PPIL6: variants seen among roughly 807,000 people sequenced by gnomAD.
The protein encoded by PPIL6 is peptidylprolyl isomerase like 6.
A neutral mutation model predicts 36.8 loss-of-function variants in PPIL6; 39 were observed. The ratio of observed to expected loss-of-function variants is 1.06; its 90% CI spans 0.82 to 1.38. PPIL6 has a LOEUF of 1.38. Among genes scored for constraint, PPIL6 ranks in the 40% most tolerant of loss-of-function variants. The pLI is 0.00. For synonymous variants in PPIL6, 123 were observed against 134.1 expected, an observed-to-expected ratio of 0.92 and a Z score of 0.57; for missense variants, 368 against 379.1, an observed-to-expected ratio of 0.97 and a Z score of 0.24.
intron 3 of PPIL6, among the ~76,000 whole-genome samples, chr6:109,428,553 GAAA>G (rs57264975): frequency 2.7e-5 from 1 of 36,908 alleles, no homozygotes; most frequent in Non-Finnish European, 6.4e-5. Flanking sequence ...ACCCTATGAA[GAAA>G]AAAAAAAAAA....
At chr6:109,431,702 T>C in intron 2 of PPIL6, among the ~76,000 whole-genome samples, 1 of 152,190 alleles carries the variant, frequency 6.6e-6, no homozygotes, top group East Asian at 1.9e-4. Flanking sequence ...GCTAAATAAT[T>C]ACCTCCACTT....
chr6:109,396,071 G>A (rs536071761), intron 7 of PPIL6, among the ~76,000 whole-genome samples: 104 of 152,106 alleles, frequency 6.8e-4, no homozygotes, highest in Non-Finnish European at 1.3e-3. Flanking sequence ...GCTTGACCTC[G>A]TGATCGGCCC....
At chr6:109,434,106 GA>G (rs898211453) in intron 2 of PPIL6, among the ~76,000 whole-genome samples, 27 of 151,046 alleles carry the variant, frequency 1.8e-4, no homozygotes, top group African/African-American at 5.8e-4. Context: ...TGATAAAAAA[GA>G]AAAAAAAAGT....
At chr6:109,394,370 CA>C (rs560635029) in intron 7 of PPIL6, among the ~76,000 whole-genome samples, 1,623 of 50,284 alleles carry the variant, frequency 0.032, 15 homozygotes, top group African/African-American at 0.082. Context: ...AGACTTATCT[CA>C]AAAAAAAAAA....
At chr6:109,404,020 T>A (rs910441385) in intron 6 of PPIL6, among the ~76,000 whole-genome samples, 2 of 152,190 alleles carry the variant, frequency 1.3e-5, no homozygotes, top group African/African-American at 4.8e-5. Flanking sequence ...CATCTCTTCT[T>A]CCCACTTGAT....
intron 3 of PPIL6, among the ~76,000 whole-genome samples, chr6:109,429,442 G>A (rs1345614672): frequency 6.6e-6 from 1 of 151,944 alleles, no homozygotes; most frequent in Non-Finnish European, 1.5e-5. Flanking sequence ...AGGATCTATT[G>A]GATTTTTTTT....
At chr6:109,418,371 T>C (rs1052413965) in intron 6 of PPIL6, 19 of 152,632 alleles carry the variant, frequency 1.2e-4, no homozygotes, top group African/African-American at 4.6e-4. Flanking sequence ...CTAAGTACCC[T>C]ATTCTTGGGA....
chr6:109,409,297 C>G (rs1772918365), intron 6 of PPIL6, among the ~76,000 whole-genome samples: 1 of 152,190 alleles, frequency 6.6e-6, no homozygotes. Context: ...TGCGGTGGCT[C>G]ACGCCTGTAA....
chr6:109,415,430 C>T (rs755451879), intron 6 of PPIL6, among the ~76,000 whole-genome samples: 6 of 152,134 alleles, frequency 3.9e-5, no homozygotes, highest in Non-Finnish European at 7.4e-5. Context: ...CGGAGGCACT[C>T]ATCTCTATCA....
intron 5 of PPIL6, among the ~76,000 whole-genome samples, chr6:109,425,767 A>G (rs1000664085): frequency 2.6e-5 from 4 of 151,768 alleles, no homozygotes; most frequent in African/African-American, 4.8e-5. Flanking sequence ...AAAAAAAAAA[A>G]AAGAACACAG....
chr6:109,407,271 G>C (rs1032390068), intron 6 of PPIL6, among the ~76,000 whole-genome samples: 3 of 147,590 alleles, frequency 2.0e-5, no homozygotes, highest in Non-Finnish European at 4.4e-5. Flanking sequence ...ATGGAGTCTC[G>C]CTCTTTCGCC....
intron 5 of PPIL6, among the ~76,000 whole-genome samples, chr6:109,424,852 T>C (rs1269050074): frequency 6.6e-6 from 1 of 152,196 alleles, no homozygotes; most frequent in Non-Finnish European, 1.5e-5. Context: ...AAGGGAAGCA[T>C]GAATTATCCA....
In PPIL6 at chr6:109,426,868, T is replaced by C. The variant is rs1174074450; in HGVS notation, c.610A>G (p.Asn204Asp). ...KNSIFHRIVQ[N>D]GWIQGGDIVY... ...TTACCCCCTCCTTGTATCCAGCCAT[T>C]CTGTACTATTCGATGAAAAATGGAA... Residue 204 changes from asparagine (N) to aspartate (D), a missense_variant, in exon 5 of 8, where the codon AAT becomes GAT. Transcript: ENST00000521072. 2.5e-6 allele frequency: 4 copies of C among 1,582,138 alleles called. No homozygotes were observed. The Admixed American group carries it at 6.8e-5, about 27-fold the overall frequency.
chr6:109,432,497 C>T (rs528431324), intron 2 of PPIL6, among the ~76,000 whole-genome samples: 19 of 152,252 alleles, frequency 1.2e-4, no homozygotes, highest in African/African-American at 4.6e-4. Context: ...CATGCTCAAA[C>T]TTTCGTGGGC....
rs774396497 is a variant in PPIL6, at chr6:109,440,418, G to A, written c.135+38C>T. The A allele has an allele frequency of 8.5e-6, 13 of 1,533,158 alleles. No homozygotes were observed. The African/African-American group carries it at 1.5e-4, about 18-fold the overall frequency. 95.0% of individuals were successfully genotyped at this position (1,533,158 alleles called of 1,614,324 possible). ...TCCACGCGGCCGAGAGCGGGTAGCG[G>A]GGAGGGCCGCCCACGACGGAGGTTT... On this transcript the variant is annotated intron_variant, in intron 1 of 7. Coordinates refer to ENST00000521072, the MANE Select transcript of PPIL6 (RefSeq NM_173672.5).
At chr6:109,394,475 T>G (rs191786169) in intron 7 of PPIL6, among the ~76,000 whole-genome samples, 1 of 151,856 alleles carries the variant, frequency 6.6e-6, no homozygotes, top group East Asian at 1.9e-4. Context: ...TTCTGATGGT[T>G]CTTTCAATTA....
At chr6:109,431,134 C>G in intron 3 of PPIL6, 23 bp downstream of exon 3, 1 of 1,528,322 alleles carries the variant, frequency 6.5e-7, no homozygotes, top group Non-Finnish European at 9.0e-7. Context: ...CACAATTTTT[C>G]TTTAAAAGTT....
chr6:109,403,170 T>C, intron 6 of PPIL6: 12 of 1,225,346 alleles, frequency 9.8e-6, no homozygotes, highest in Non-Finnish European at 1.3e-5. Context: ...AGAAGGCATC[T>C]TGCTAGTTGT....
At chr6:109,410,289 T>C (rs914736906) in intron 6 of PPIL6, among the ~76,000 whole-genome samples, 10 of 152,170 alleles carry the variant, frequency 6.6e-5, no homozygotes, top group South Asian at 2.1e-4. Context: ...GTAGAGGCCA[T>C]GCTAAGGCCC....
Sources: gnomAD v4.1 joint callset for allele counts (sites outside exome capture counted in the v4.1 genomes callset) on GRCh38, gnomAD v4.1.1 for gene constraint, MANE v1.5 for transcripts, NCBI Gene and HGNC (gene_info 2026-07-23, HGNC 2026-07-21) for gene names.